STK33: variants seen among roughly 807,000 people sequenced by gnomAD.
The protein encoded by STK33 is serine/threonine kinase 33, also known as serine/threonine-protein kinase 33.
Under a neutral mutation model 58.0 loss-of-function variants are expected in STK33, and 52 were observed. The ratio of observed to expected loss-of-function variants is 0.90; its 90% CI spans 0.72 to 1.13. The LOEUF is 1.13. Among genes scored for constraint, STK33 ranks in the 50% most tolerant of loss-of-function variants. The pLI is 0.00. For missense variants in STK33, 630 were observed against 604.2 expected, an observed-to-expected ratio of 1.04 and a Z score of -0.45; for synonymous variants, 215 against 200.1, an observed-to-expected ratio of 1.07 and a Z score of -0.63.
At chr11:8,366,259 C>T in the STK33 span, among the ~76,000 whole-genome samples, 39,837 of 152,078 alleles carry the variant, frequency 0.26, 5,900 homozygotes, top group East Asian at 0.42. Context: ...GTCTGTCAGT[C>T]TGTCCCAGGC....
At chr11:8,387,771 G>A (rs1374838446), downstream of STK33, among the ~76,000 whole-genome samples, 4 of 152,180 alleles carry the variant, frequency 2.6e-5, no homozygotes, top group Non-Finnish European at 5.9e-5. Context: ...TCCAGTGAGG[G>A]GGTCAGTTGC....
intron 1 of STK33, among the ~76,000 whole-genome samples, chr11:8,554,151 G>A (rs768119012): frequency 5.3e-5 from 8 of 152,044 alleles, no homozygotes; most frequent in Non-Finnish European, 8.8e-5. Context: ...CAGGTGTGGT[G>A]GCTCACACCT....
chr11:8,504,592 CA>C (rs1300008259), intron 1 of STK33, among the ~76,000 whole-genome samples: 1 of 151,912 alleles, frequency 6.6e-6, no homozygotes, highest in African/African-American at 2.4e-5. Flanking sequence ...AGTTCAAGAT[CA>C]GCCTAGCAAC....
chr11:8,462,196 G>C (rs1417651898), intron 7 of STK33, among the ~76,000 whole-genome samples: 1 of 151,634 alleles, frequency 6.6e-6, no homozygotes, highest in Admixed American at 6.6e-5. Flanking sequence ...CTACAACATG[G>C]TATCTGTCTC....
At chr11:8,425,868 G>A (rs551481047) in intron 14 of STK33, among the ~76,000 whole-genome samples, 7 of 151,974 alleles carry the variant, frequency 4.6e-5, no homozygotes, top group East Asian at 1.9e-4. Flanking sequence ...TCTGTGTCCC[G>A]CGGCTCAAAC....
chr11:8,419,824 A>T (rs1239834947), intron 14 of STK33, among the ~76,000 whole-genome samples: 1 of 152,148 alleles, frequency 6.6e-6, no homozygotes, highest in African/African-American at 2.4e-5. Context: ...AAATGTATGG[A>T]ATGTTTTTTG....
intron 1 of STK33, among the ~76,000 whole-genome samples, chr11:8,539,904 T>A (rs1955371287): frequency 6.6e-6 from 1 of 152,068 alleles, no homozygotes; most frequent in Non-Finnish European, 1.5e-5. Flanking sequence ...AGCCGCAAAC[T>A]GAAAGAAAGA....
the STK33 span, among the ~76,000 whole-genome samples, chr11:8,354,517 C>CACACA: frequency 2.5e-4 from 37 of 146,228 alleles, no homozygotes; most frequent in African/African-American, 3.5e-4. Context: ...CACACACACA[C>CACACA]CCCTCAGACA....
intron 1 of STK33, among the ~76,000 whole-genome samples, chr11:8,525,657 G>C (rs1953958829): frequency 1.3e-5 from 2 of 152,224 alleles, no homozygotes; most frequent in South Asian, 4.1e-4. Flanking sequence ...GAAAACACTA[G>C]AAGATGCTTT....
chr11:8,389,316 G>T (rs185418639), downstream of STK33, among the ~76,000 whole-genome samples: 1 of 152,204 alleles, frequency 6.6e-6, no homozygotes, highest in Non-Finnish European at 1.5e-5. Context: ...TCAGCGTCTG[G>T]ACCTGGCTCT....
chr11:8,447,387 A>T (rs11530482), intron 11 of STK33, among the ~76,000 whole-genome samples: 1 of 152,244 alleles, frequency 6.6e-6, no homozygotes, highest in Admixed American at 6.5e-5. Flanking sequence ...AAAATCCTCA[A>T]TAAAATACTG....
At chr11:8,355,051 C>G in the STK33 span, among the ~76,000 whole-genome samples, 1 of 152,254 alleles carries the variant, frequency 6.6e-6, no homozygotes, top group African/African-American at 2.4e-5. Context: ...CGGGTTCAAG[C>G]AGCGGCCGCT....
chr11:8,473,954 C>T (rs1460647836), intron 5 of STK33, among the ~76,000 whole-genome samples: 3 of 152,058 alleles, frequency 2.0e-5, no homozygotes, highest in Non-Finnish European at 2.9e-5. Flanking sequence ...GGGTGGATCA[C>T]CTGAGGTCGG....
chr11:8,454,829 ATATC>A lies in STK33; in HGVS notation c.698-1_700del, dbSNP rs1172983204. 1 of 1,550,008 alleles carries A rather than the reference ATATC, an allele frequency of 6.5e-7. No individual in the cohort carries two copies. The highest frequency in any genetic ancestry group is 1.2e-5 in the South Asian group (1 of 84,254). On this transcript the variant is annotated splice_acceptor_variant and coding_sequence_variant, in exon 10 of 16. Coordinates refer to ENST00000687296, the MANE Select transcript of STK33 (RefSeq NM_001352389.2). LOFTEE classifies it high-confidence loss of function. ...TTCCAGTTTCAGATCTCTATGTACA[ATATC>A]TACCAAGAAAATAAACAACAAATCA...
intron 1 of STK33, among the ~76,000 whole-genome samples, chr11:8,505,966 G>A (rs1369700512): frequency 6.6e-6 from 1 of 152,180 alleles, no homozygotes; most frequent in Non-Finnish European, 1.5e-5. Context: ...TCACCACACT[G>A]TTGAGGATTA....
chr11:8,378,513 C>T, the STK33 span, among the ~76,000 whole-genome samples: 68 of 152,216 alleles, frequency 4.5e-4, no homozygotes, highest in African/African-American at 1.6e-3. Flanking sequence ...AGTGAAACTC[C>T]ATCTCAAAAA....
At chr11:8,514,543 G>C (rs552656978) in intron 1 of STK33, among the ~76,000 whole-genome samples, 1 of 152,314 alleles carries the variant, frequency 6.6e-6, no homozygotes, top group South Asian at 2.1e-4. Flanking sequence ...AAGAAATACA[G>C]TCTAAAGTCC....
intron 1 of STK33, among the ~76,000 whole-genome samples, chr11:8,490,010 G>A (rs1249486073): frequency 5.3e-5 from 8 of 152,204 alleles, no homozygotes; most frequent in Non-Finnish European, 1.2e-4. Flanking sequence ...CAACGCAGAA[G>A]ATGGGTGATT....
rs368730988 is a variant in STK33 at position 8,392,755 on chromosome 11, C to A, written c.1345-45G>T. The A allele has an allele frequency of 2.6e-5, 42 of 1,592,774 alleles. No homozygotes were observed. The African/African-American group carries it at 5.1e-4, about 19-fold the overall frequency. ...ATTAATTTTCAGACACAAAGCAATG[C>A]ACATCAATTCAAAGATGCAAGGAAC... On this transcript the variant is annotated intron_variant, in intron 15 of 15. Transcript: ENST00000687296.
Sources: allele counts gnomAD v4.1 joint callset (sites outside exome capture counted in the v4.1 genomes callset), GRCh38; gene constraint gnomAD v4.1.1; transcripts MANE v1.5; gene names NCBI Gene and HGNC (gene_info 2026-07-23, HGNC 2026-07-21).